CCDC180: variants seen among roughly 807,000 people sequenced by gnomAD.
The protein encoded by CCDC180 is coiled-coil domain-containing protein 180.
A neutral mutation model predicts 209.2 loss-of-function variants in CCDC180; 154 were observed. The observed-to-expected ratio is 0.74, with a 90% CI of 0.65 to 0.84. The LOEUF is 0.84. CCDC180 is among the 40% of genes least tolerant of loss of function. CCDC180 has a pLI of 0.00. For synonymous variants in CCDC180, 778 were observed against 749.1 expected, an observed-to-expected ratio of 1.04 and a Z score of -0.63; for missense variants, 1,874 against 1,997.3, an observed-to-expected ratio of 0.94 and a Z score of 1.18.
Position 97,314,507 on chromosome 9 carries a change from G to A in CCDC180, c.574G>A (p.Asp192Asn), listed in dbSNP as rs369643950. Reference protein sequence around the residue: ...LKVENDTNLEDYTIQALLELW... With the variant: ...LKVENDTNLENYTIQALLELW... The stretch of plus-strand genomic sequence containing the variant: ...GGTGGAAAATGACACCAACCTTGAG[G>A]ACTACACCATCCAAGTAGGGGTCCC... The change falls in exon 6 of 37, where the codon GAC (aspartate) becomes AAC (asparagine). Residue 192 changes from aspartate to asparagine, a missense_variant. Asp to Asn is a conservative substitution (Grantham distance 23, BLOSUM62 1). Transcript: ENST00000529487. The A allele has an allele frequency of 1.1e-4, 180 of 1,613,954 alleles. No individual in the cohort carries two copies. The highest frequency in any genetic ancestry group is 1.5e-4 in the Non-Finnish European group (180 of 1,180,018).
intron 28 of CCDC180, among the ~76,000 whole-genome samples, chr9:97,362,812 T>C (rs1826803423): frequency 6.6e-6 from 1 of 152,208 alleles, no homozygotes; most frequent in East Asian, 1.9e-4. Context: ...AAGGTGCATA[T>C]CAGAAGCCCC....
chr9:97,347,197 C>T (rs1826282772), intron 19 of CCDC180, 117 bp from the exon 20 acceptor site: 2 of 963,678 alleles, frequency 2.1e-6, no homozygotes, highest in Admixed American at 5.2e-5. Context: ...TGCAATGTAG[C>T]TGGGAAATGA....
chr9:97,316,598 A>C (rs975897907), intron 8 of CCDC180, among the ~76,000 whole-genome samples: 1 of 152,200 alleles, frequency 6.6e-6, no homozygotes, highest in African/African-American at 2.4e-5. Context: ...CCAGGTGAGA[A>C]GCCATGGGAG....
At chr9:97,353,972 C>G (rs1052380460) in intron 22 of CCDC180, among the ~76,000 whole-genome samples, 6 of 148,812 alleles carry the variant, frequency 4.0e-5, no homozygotes, top group African/African-American at 9.9e-5. Context: ...AGCTCCCCTT[C>G]TAGTTTCACT....
intron 29 of CCDC180, chr9:97,365,311 A>G (rs1054004627): frequency 9.3e-5 from 19 of 205,150 alleles, no homozygotes; most frequent in Admixed American, 3.4e-4. Flanking sequence ...TGGCCTTTAC[A>G]GTCTGCTGGG....
intron 11 of CCDC180, among the ~76,000 whole-genome samples, chr9:97,321,854 T>C (rs1340970904): frequency 6.6e-6 from 1 of 152,044 alleles, no homozygotes; most frequent in Non-Finnish European, 1.5e-5. Context: ...GGAGGAGGCA[T>C]TCCAAGCAGG....
chr9:97,375,777 A>G (rs1179355927), intron 36 of CCDC180, 188 bp downstream of exon 36: 1 of 682,716 alleles, frequency 1.5e-6, no homozygotes, highest in South Asian at 1.9e-5. Flanking sequence ...GAGGACATTA[A>G]TGTGGGTCTG....
intron 35 of CCDC180, among the ~76,000 whole-genome samples, chr9:97,375,063 G>C (rs1292398838): frequency 1.3e-5 from 2 of 152,212 alleles, no homozygotes; most frequent in Admixed American, 1.3e-4. Flanking sequence ...GACTCTGCAA[G>C]AAGAAGCAGA....
At chr9:97,343,771 A>T (rs1826164056) in intron 19 of CCDC180, 2 of 540,464 alleles carry the variant, frequency 3.7e-6, no homozygotes, top group African/African-American at 3.8e-5. Context: ...TGTGAGAGTG[A>T]CCCCCTGCAC....
intron 23 of CCDC180, 79 bp downstream of exon 23, chr9:97,354,792 C>T: frequency 6.3e-7 from 1 of 1,591,734 alleles, no homozygotes; most frequent in Non-Finnish European, 8.6e-7. Flanking sequence ...GAGGGCCAAG[C>T]CCTCCATCCA....
At chr9:97,356,946 T>C (rs1457773383) in intron 24 of CCDC180, among the ~76,000 whole-genome samples, 1 of 152,252 alleles carries the variant, frequency 6.6e-6, no homozygotes, top group Non-Finnish European at 1.5e-5. Flanking sequence ...TTGCTATTTA[T>C]ACCAGTTTTA....
Position 97,370,671 on chromosome 9 carries a change from C to G in CCDC180, c.4381C>G (p.Leu1461Val), listed in dbSNP as rs370162399. The stretch of plus-strand genomic sequence containing the variant: ...AAATGCCCAGAAGCTCCATCTAAAT[C>G]TTGGACACCCCGTACATTTCCAAGA... Reference protein sequence around the residue: ...DKNAQKLHLNLGHPVHFQEME... With the variant: ...DKNAQKLHLNVGHPVHFQEME... The change falls in exon 33 of 37, where the codon CTT becomes GTT. Residue 1461 changes from leucine to valine, a missense_variant. Physicochemically the swap from Leu to Val is conservative, Grantham distance 32. Coordinates refer to ENST00000529487, the MANE Select transcript of CCDC180 (RefSeq NM_020893.6). The G allele has an allele frequency of 1.2e-6, 2 of 1,614,068 alleles. No individual in the cohort carries two copies. The highest frequency in any genetic ancestry group is 1.7e-5 in the Admixed American group (1 of 60,006).
chr9:97,367,444 C>A (rs916523486), intron 31 of CCDC180, among the ~76,000 whole-genome samples: 1 of 151,542 alleles, frequency 6.6e-6, no homozygotes, highest in Non-Finnish European at 1.5e-5. Context: ...AATGATCTCA[C>A]CTCTCTGAGC....
rs368120179 is a variant in CCDC180, at chr9:97,318,558, G to A, written c.1055G>A (p.Arg352Gln). The part of the protein sequence containing the change: ...LKTQNVLQQR[R>Q]LKHLCTICDL... Reference sequence around the variant, plus strand: ...ACCCAGAACGTCCTGCAGCAAAGGCGGCTGAAGCATCTCTGCACCATCTGG... The same window carrying A: ...ACCCAGAACGTCCTGCAGCAAAGGCAGCTGAAGCATCTCTGCACCATCTGG... Residue 352 changes from arginine to glutamine, a missense_variant, in exon 10 of 37, where the codon CGG becomes CAG. Physicochemically the swap from Arg to Gln is conservative, Grantham distance 43. Transcript: ENST00000529487. 14 of 1,613,116 alleles carry A rather than the reference G, an allele frequency of 8.7e-6. No homozygotes were observed. The highest frequency in any genetic ancestry group is 1.6e-4 in the Middle Eastern group (1 of 6,080).
chr9:97,365,007 ACAGT>A (rs1040542501), intron 29 of CCDC180, among the ~76,000 whole-genome samples: 3 of 152,188 alleles, frequency 2.0e-5, no homozygotes, highest in African/African-American at 7.2e-5. Context: ...GTTTATTTGA[ACAGT>A]CAGTCATTCA....
At chr9:97,310,304 C>T (rs1348619799) in intron 3 of CCDC180, among the ~76,000 whole-genome samples, 1 of 152,184 alleles carries the variant, frequency 6.6e-6, no homozygotes, top group Non-Finnish European at 1.5e-5. Context: ...AGGCAGAACC[C>T]ATGAGACCTA....
At chr9:97,313,211 C>T in intron 4 of CCDC180, 25 bp from the exon 5 acceptor site, 2 of 1,517,416 alleles carry the variant, frequency 1.3e-6, no homozygotes, top group Non-Finnish European at 1.8e-6. Context: ...AAGGCAGCCT[C>T]ATCACCTCTG....
Position 97,363,797 on chromosome 9 carries a change from C to T in CCDC180, c.3903-254C>T, listed in dbSNP as rs2117908108. 4 of 566,656 alleles carry T rather than the reference C, an allele frequency of 7.1e-6. No individual in the cohort carries two copies. The East Asian group carries it at 1.3e-4, about 18-fold the overall frequency. The allele number at this position is 566,656 out of a possible 1,614,324, so 35.1% of individuals were successfully genotyped here. ...GCAAATTTCTGGGCCTGAGCACCTC[C>T]ACCCCTTGCCCTCTCACAGCAGCTG... is the stretch of plus-strand genomic sequence containing the variant. On this transcript the variant is annotated intron_variant, in intron 28 of 36. Transcript: ENST00000529487.
chr9:97,346,474 A>C (rs1826264301), intron 19 of CCDC180, among the ~76,000 whole-genome samples: 1 of 152,244 alleles, frequency 6.6e-6, no homozygotes, highest in Non-Finnish European at 1.5e-5. Context: ...CAACATTTGC[A>C]ACTCACATCA....
Sources: allele counts gnomAD v4.1 joint callset (sites outside exome capture counted in the v4.1 genomes callset), GRCh38; gene constraint gnomAD v4.1.1; transcripts MANE v1.5; gene names NCBI Gene and HGNC (gene_info 2026-07-23, HGNC 2026-07-21).